Variants in IGDCC3 observed in about 807,000 individuals in gnomAD.
IGDCC3 encodes the protein putative neuronal cell adhesion molecule.
A neutral mutation model predicts 72.0 loss-of-function variants in IGDCC3; 47 were observed. That is an observed-to-expected ratio of 0.65 (90% CI 0.52 to 0.83). IGDCC3 has a LOEUF of 0.83. IGDCC3 is among the 40% of genes least tolerant of loss of function. The pLI is 0.00. For synonymous variants in IGDCC3, 477 were observed against 472.8 expected, an observed-to-expected ratio of 1.01 and a Z score of -0.11; for missense variants, 1,038 against 1,091.3, an observed-to-expected ratio of 0.95 and a Z score of 0.69.
chr15:65,374,976 G>C, intron 2 of IGDCC3, 121 bp downstream of exon 2: 1 of 824,206 alleles, frequency 1.2e-6, no homozygotes, highest in South Asian at 1.7e-5. Flanking sequence ...GACCCATGCT[G>C]AGAAATTAGT....
chr15:65,355,928 G>A, intron 2 of IGDCC3: 1 of 300,934 alleles, frequency 3.3e-6, no homozygotes, highest in Non-Finnish European at 7.2e-6. Context: ...GAGGGAAACT[G>A]AGGAAGCGGT....
chr15:65,333,298 G>C lies in IGDCC3; in HGVS notation c.941C>G (p.Thr314Ser). 6.2e-7 allele frequency: 1 copy of C among 1,612,826 alleles called. No homozygotes were observed. Among genetic ancestry groups the C allele is most frequent in the Non-Finnish European group, 8.5e-7 (1 of 1,179,574 alleles). The change falls in exon 6 of 14, where the codon ACC (threonine) becomes AGC (serine). Residue 314 changes from threonine (T) to serine (S), a missense_variant. By Grantham distance (58) the Thr-to-Ser change is moderately conservative. Coordinates refer to ENST00000327987, the MANE Select transcript of IGDCC3 (RefSeq NM_004884.4). Reference protein sequence around the residue: ...VYVCAANRPGTRVRRTAQGRL... With the variant: ...VYVCAANRPGSRVRRTAQGRL... The stretch of plus-strand genomic sequence containing the variant: ...GCCCTGTGCCGTTCTCCTCACCCGG[G>C]TGCCAGGTCTGTTGGCTGCACAGAC...
chr15:65,346,043 G>A (rs546936110), intron 2 of IGDCC3, among the ~76,000 whole-genome samples: 1 of 152,284 alleles, frequency 6.6e-6, no homozygotes, highest in South Asian at 2.1e-4. Flanking sequence ...GACCCTTACT[G>A]CCACCCTTCC....
At chr15:65,365,619 A>G (rs1180263703) in intron 2 of IGDCC3, among the ~76,000 whole-genome samples, 1 of 151,998 alleles carries the variant, frequency 6.6e-6, no homozygotes, top group East Asian at 1.9e-4. Flanking sequence ...CTGGGGGGCT[A>G]TGGACCCCAT....
intron 2 of IGDCC3, among the ~76,000 whole-genome samples, chr15:65,369,023 A>C (rs2091306819): frequency 6.6e-6 from 1 of 152,188 alleles, no homozygotes; most frequent in Non-Finnish European, 1.5e-5. Context: ...AGTTGAGGAG[A>C]CAGATGGAAT....
In IGDCC3 at chr15:65,329,089, C is replaced by A. The variant is rs201058521; in HGVS notation, c.2265G>T (p.Gln755His). 1.6e-5 allele frequency: 26 copies of A among 1,611,480 alleles called. No individual in the cohort carries two copies. The African/African-American group carries it at 1.9e-4, about 12-fold the overall frequency. Residue 755 changes from glutamine to histidine, a missense_variant, in exon 14 of 14, where the codon CAG (glutamine) becomes CAT (histidine). Gln to His is a conservative substitution (Grantham distance 24). Coordinates refer to ENST00000327987, the MANE Select transcript of IGDCC3 (RefSeq NM_004884.4). This position sits in a 1 kb window ranked among gnomAD's most constrained non-coding sequence, Gnocchi z 4.1. ...EETQLSVLPL[Q>H]GCGLMEGKTT... ...TCTTCCCCTCCATCAGGCCGCACCC[C>A]TGAAGTGGCAGCACGGAGAGCTGGG...
At chr15:65,359,046 G>C (rs571619685) in intron 2 of IGDCC3, among the ~76,000 whole-genome samples, 3 of 152,054 alleles carry the variant, frequency 2.0e-5, no homozygotes, top group Non-Finnish European at 4.4e-5. Context: ...GGCTGGTCTC[G>C]AAGTCCTAAC....
At chr15:65,363,790 G>A (rs1003929519) in intron 2 of IGDCC3, among the ~76,000 whole-genome samples, 8 of 152,124 alleles carry the variant, frequency 5.3e-5, no homozygotes, top group South Asian at 4.1e-4. Flanking sequence ...ATCATTATGC[G>A]GAAACAAGAA....
At chr15:65,330,429 C>T in intron 10 of IGDCC3, 32 bp from the exon 11 acceptor site, 3 of 1,590,966 alleles carry the variant, frequency 1.9e-6, no homozygotes, top group Non-Finnish European at 2.6e-6. Context: ...GAGCAACTGC[C>T]CCTGCCCAAC....
At position 65,377,585 on chromosome 15, in the gene IGDCC3, G is replaced by T; in HGVS notation, c.103+101C>A. On this transcript the variant is annotated intron_variant, in intron 1 of 13. Transcript: ENST00000327987. The surrounding 1 kb of genome is among the most constrained non-coding windows in gnomAD (Gnocchi z 4.9). ...CCGCGCGGGGTCCGCCCTCAGGTCC[G>T]CGCCGCTCTCCCCGGGTCCGCCCCT... 1 of 1,186,770 alleles carries T rather than the reference G, an allele frequency of 8.4e-7. No individual in the cohort carries two copies. 73.5% of individuals were successfully genotyped at this position (1,186,770 alleles called of 1,614,324 possible).
At chr15:65,366,101 G>C (rs948328658) in intron 2 of IGDCC3, among the ~76,000 whole-genome samples, 9 of 151,668 alleles carry the variant, frequency 5.9e-5, no homozygotes, top group Admixed American at 5.9e-4. Context: ...CCAGCTACTC[G>C]GGAGGCTGAG....
intron 2 of IGDCC3, chr15:65,355,981 G>C (rs2091217377): frequency 3.7e-6 from 1 of 268,302 alleles, no homozygotes; most frequent in Admixed American, 5.0e-5. Context: ...TTCCGTGGAA[G>C]CTGGGCGGAC....
Position 65,334,870 on chromosome 15 carries a change from GA to G in IGDCC3, c.686-6del. ...TGTAGGCCCCAGAGCCCGAGCCTGGGAGGAAGACGCCACATATCCTCACTTC... is the reference window on the plus strand; with the variant it reads ...TGTAGGCCCCAGAGCCCGAGCCTGGGGGAAGACGCCACATATCCTCACTTC... On this transcript the variant is annotated splice_region_variant and splice_polypyrimidine_tract_variant and intron_variant, in intron 4 of 13. Transcript: ENST00000327987. The G allele has an allele frequency of 6.2e-7, 1 of 1,610,036 alleles. No individual in the cohort carries two copies. The highest frequency in any genetic ancestry group is 8.5e-7 in the Non-Finnish European group (1 of 1,178,310).
chr15:65,332,104 G>A lies in IGDCC3; in HGVS notation c.985C>T (p.Pro329Ser). ...TGGGGATGCTGCACAAACTCAGCTG[G>A]GGCTGCGAGTAGAGTCAGGAGGGTG... ...TAQGRLVVQA[P>S]AEFVQHPQSI... Residue 329 changes from proline to serine, a missense_variant and splice_region_variant, in exon 7 of 14, where the codon CCA becomes TCA. By Grantham distance (74) the Pro-to-Ser change is moderately conservative (BLOSUM62 -1). Coordinates refer to ENST00000327987, the MANE Select transcript of IGDCC3 (RefSeq NM_004884.4). 1 of 1,612,820 alleles carries A rather than the reference G, an allele frequency of 6.2e-7. No individual in the cohort carries two copies. Among genetic ancestry groups the A allele is most frequent in the Non-Finnish European group, 8.5e-7 (1 of 1,179,354 alleles).
In IGDCC3 at chr15:65,329,322, G is replaced by C; in HGVS notation, c.2205+68C>G. 2 of 1,501,302 alleles carry C rather than the reference G, an allele frequency of 1.3e-6. No homozygotes were observed. The highest frequency in any genetic ancestry group is 1.8e-6 in the Non-Finnish European group (2 of 1,109,076). 93.0% of individuals were successfully genotyped at this position (1,501,302 alleles called of 1,614,324 possible). On this transcript the variant is annotated intron_variant, in intron 13 of 13. Coordinates refer to ENST00000327987, the MANE Select transcript of IGDCC3 (RefSeq NM_004884.4). This position sits in a 1 kb window ranked among gnomAD's most constrained non-coding sequence, Gnocchi z 4.1. ...TCGAGGCCCGTGGCCAAGGTGAAGG[G>C]GGGCAGGATTGGAAGGTGGCAGTGT...
chr15:65,352,263 G>A (rs2091179517), intron 2 of IGDCC3, among the ~76,000 whole-genome samples: 2 of 152,134 alleles, frequency 1.3e-5, no homozygotes, highest in South Asian at 4.1e-4. Context: ...GAACATATTT[G>A]TTTCTTTCTA....
In IGDCC3 at chr15:65,340,543, C is replaced by T. The variant is rs1262095080; in HGVS notation, c.410-4587G>A. On this transcript the variant is annotated intron_variant, in intron 2 of 13. Transcript: ENST00000327987. ...AGACTCTTCTGAAGGCCACCGAGGC[C>T]CATTCCCTCCTTGTATCTATCCCTG... 4.6e-5 allele frequency among the ~76,000 whole-genome samples: 7 copies of T among 152,256 alleles called. No homozygotes were observed. In the South Asian group the frequency reaches 1.2e-3, roughly 27 times the overall value.
rs749650556 is a variant in IGDCC3 at position 65,331,143 on chromosome 15, G to T, written c.1468C>A (p.Pro490Thr). The T allele has an allele frequency of 6.2e-7, 1 of 1,613,954 alleles. No homozygotes were observed. The highest frequency in any genetic ancestry group is 1.3e-5 in the African/African-American group (1 of 74,896). The change falls in exon 9 of 14, where the codon CCC becomes ACC. Residue 490 changes from proline (P) to threonine (T), a missense_variant. By Grantham distance (38) the Pro-to-Thr change is conservative. Transcript: ENST00000327987. ...ATGTAGAAACTGTAGGCTGTGGAGGGCTCCAGGTCGCTGACCAGGTGCTGA... is the reference window on the plus strand; with the variant it reads ...ATGTAGAAACTGTAGGCTGTGGAGGTCTCCAGGTCGCTGACCAGGTGCTGA... ...TFQHLVSDLE[P>T]STAYSFYIKA...
chr15:65,371,222 C>T (rs532175612), intron 2 of IGDCC3, among the ~76,000 whole-genome samples: 66 of 152,376 alleles, frequency 4.3e-4, no homozygotes, highest in African/African-American at 1.5e-3. Context: ...ATGCCAAGCC[C>T]TGTGCCAGGT....
Sources: allele counts gnomAD v4.1 joint callset (sites outside exome capture counted in the v4.1 genomes callset), GRCh38; gene constraint gnomAD v4.1.1; non-coding constraint Gnocchi (gnomAD v3.1); transcripts MANE v1.5; gene names NCBI Gene and HGNC (gene_info 2026-07-23, HGNC 2026-07-21).